TJP1: variants seen among roughly 807,000 people sequenced by gnomAD.
TJP1 encodes the protein tight junction protein 1.
TJP1 carries 43 observed loss-of-function variants against 194.2 expected under a neutral mutation model. The observed-to-expected ratio is 0.22, with a 90% confidence interval of 0.17 to 0.29. TJP1 has a LOEUF of 0.29. TJP1 is among the 10% of genes least tolerant of loss of function. The pLI is 1.00. For synonymous variants in TJP1, 801 were observed against 779.0 expected (o/e 1.03, Z -0.47); for missense variants, 1,971 against 2,185.7 (o/e 0.90, Z 1.96).
chr15:29,866,624 A>G (rs1342356889), intron 2 of TJP1, among the ~76,000 whole-genome samples: 1 of 152,210 alleles, frequency 6.6e-6, no homozygotes, highest in Non-Finnish European at 1.5e-5. Flanking sequence ...TTTATGCAGA[A>G]AAAAAACAGG....
chr15:29,764,424 T>C (rs2046203795), intron 5 of TJP1, among the ~76,000 whole-genome samples: 1 of 152,024 alleles, frequency 6.6e-6, no homozygotes, highest in African/African-American at 2.4e-5. Context: ...TGAGAACTAA[T>C]AAAGAAAGGG....
chr15:29,707,823 G>T (rs1204345624), intron 25 of TJP1, among the ~76,000 whole-genome samples: 1 of 152,170 alleles, frequency 6.6e-6, no homozygotes, highest in Non-Finnish European at 1.5e-5. Context: ...GAGGAACATA[G>T]ATACTTAATG....
chr15:29,807,747 TAAC>T (rs1282026682), intron 1 of TJP1, among the ~76,000 whole-genome samples: 2 of 152,192 alleles, frequency 1.3e-5, no homozygotes, highest in Non-Finnish European at 2.9e-5. Flanking sequence ...AAGAAGAGTT[TAAC>T]TTTTCTATAA....
chr15:29,731,579 G>C (rs1205658243), intron 15 of TJP1, among the ~76,000 whole-genome samples: 1 of 152,206 alleles, frequency 6.6e-6, no homozygotes, highest in Admixed American at 6.5e-5. Context: ...TAAACAACAT[G>C]CTAAATGTGA....
At position 29,730,680 on chromosome 15, in the gene TJP1, G is replaced by A. The variant is rs867135519; in HGVS notation, c.2017+1753C>T. 148 of 740,872 alleles carry A rather than the reference G, an allele frequency of 2.0e-4. 4 individuals carry two copies. The highest frequency in any genetic ancestry group is 1.4e-3 in the Middle Eastern group (6 of 4,246). 45.9% of individuals were successfully genotyped at this position (740,872 alleles called of 1,614,324 possible). A position where few individuals can be genotyped will look rare whatever the true frequency, so the allele number is the denominator to read the frequency against. On this transcript the variant is annotated intron_variant, in intron 15 of 27. Coordinates refer to ENST00000614355, the MANE Select transcript of TJP1 (RefSeq NM_001330239.4). ...AAGCCCGCGTGCCGCTGCATCCCAC[G>A]TCCAGCACCTACGTCCTGTCGCCAC...
At chr15:29,871,608 G>C (rs371776153) in intron 2 of TJP1, among the ~76,000 whole-genome samples, 1 of 152,222 alleles carries the variant, frequency 6.6e-6, no homozygotes, top group Non-Finnish European at 1.5e-5. Context: ...CGTAGGAGAC[G>C]GCCCCAGCTG....
upstream of TJP1, among the ~76,000 whole-genome samples, chr15:29,824,367 C>A (rs891637080): frequency 2.0e-5 from 3 of 151,742 alleles, no homozygotes; most frequent in African/African-American, 4.8e-5. Context: ...CGCTTGAACC[C>A]GAGAGGCGGA....
chr15:29,702,497 T>C (rs2041612313), intron 27 of TJP1, among the ~76,000 whole-genome samples: 1 of 152,164 alleles, frequency 6.6e-6, no homozygotes, highest in South Asian at 2.1e-4. Flanking sequence ...CAGAAGTAGC[T>C]CTCAAACAGG....
At chr15:29,897,864 T>C (rs115159161) in intron 2 of TJP1, among the ~76,000 whole-genome samples, 2,402 of 152,330 alleles carry the variant, frequency 0.016, 61 homozygotes, top group African/African-American at 0.055. Context: ...TACCCGATGC[T>C]GCTACCCACA....
At chr15:29,843,004 C>T (rs1307173055) in intron 2 of TJP1, among the ~76,000 whole-genome samples, 1 of 151,922 alleles carries the variant, frequency 6.6e-6, no homozygotes, top group South Asian at 2.1e-4. Flanking sequence ...AAAGTCATTG[C>T]TATAAAGATT....
At chr15:29,768,147 T>C (rs2046436883) in intron 4 of TJP1, among the ~76,000 whole-genome samples, 1 of 152,192 alleles carries the variant, frequency 6.6e-6, no homozygotes, top group African/African-American at 2.4e-5. Context: ...TATCAGATAC[T>C]GGTTCAGGAT....
At chr15:29,960,050 GATC>G (rs1435742776) in intron 1 of TJP1, among the ~76,000 whole-genome samples, 1 of 152,110 alleles carries the variant, frequency 6.6e-6, no homozygotes, top group African/African-American at 2.4e-5. Context: ...TGGTAGGTGT[GATC>G]ATATTTTAGA....
intron 9 of TJP1, among the ~76,000 whole-genome samples, chr15:29,742,265 A>G (rs999837526): frequency 2.0e-5 from 3 of 151,970 alleles, no homozygotes; most frequent in Non-Finnish European, 4.4e-5. Context: ...AAAAAAACCC[A>G]AAGACAATAA....
intron 15 of TJP1, chr15:29,730,645 G>A (rs1200459679): frequency 1.0e-5 from 7 of 673,116 alleles, no homozygotes; most frequent in Admixed American, 3.9e-5. Context: ...AACGACCCCC[G>A]GACCGACCAA....
chr15:29,877,248 C>T (rs1307043330), intron 2 of TJP1, among the ~76,000 whole-genome samples: 2 of 152,246 alleles, frequency 1.3e-5, no homozygotes, highest in African/African-American at 4.8e-5. Context: ...TTGAGACATG[C>T]TCTGCCTTCC....
At chr15:29,765,304 G>A (rs1409845517) in intron 5 of TJP1, among the ~76,000 whole-genome samples, 1 of 152,112 alleles carries the variant, frequency 6.6e-6, no homozygotes, top group African/African-American at 2.4e-5. Context: ...CACTGAATGG[G>A]GGTATGGAAT....
At chr15:29,768,992 A>G (rs2046489160) in intron 4 of TJP1, among the ~76,000 whole-genome samples, 1 of 152,224 alleles carries the variant, frequency 6.6e-6, no homozygotes, top group Non-Finnish European at 1.5e-5. Flanking sequence ...CAGAACCAAT[A>G]AAATGAAAGT....
At position 29,718,624 on chromosome 15, in the gene TJP1, G is replaced by A. The variant is rs531358005; in HGVS notation, c.3518C>T (p.Pro1173Leu). ...TGCTGAAGGGTGGGGCTGGGCTTCCGGTCTGAGTCTACCATGTGTGTCATA... is the reference window on the plus strand; with the variant it reads ...TGCTGAAGGGTGGGGCTGGGCTTCCAGTCTGAGTCTACCATGTGTGTCATA... The part of the protein sequence containing the change: ...PGYDTHGRLR[P>L]EAQPHPSAGP... The change falls in exon 21 of 28, where the codon CCG becomes CTG. Residue 1173 changes from proline to leucine, a missense_variant. This residue lies in a region of TJP1 where 1,108 missense variants were observed against 1,128.5 expected (regional missense o/e 0.98). Transcript: ENST00000614355. 130 of 1,614,136 alleles carry A rather than the reference G, an allele frequency of 8.1e-5. 2 individuals are homozygous for A. In the South Asian group the frequency reaches 9.8e-4, roughly 12 times the overall value.
chr15:29,757,396 G>T (rs1041563901), intron 8 of TJP1, among the ~76,000 whole-genome samples: 20 of 151,604 alleles, frequency 1.3e-4, no homozygotes, highest in Admixed American at 7.9e-4. Context: ...CATACAATTT[G>T]TAAAACAAAA....
Sources: allele counts gnomAD v4.1 joint callset (sites outside exome capture counted in the v4.1 genomes callset), GRCh38; gene constraint gnomAD v4.1.1; regional missense constraint gnomAD v4.1.1; transcripts MANE v1.5; gene names NCBI Gene and HGNC (gene_info 2026-07-23, HGNC 2026-07-21).